LRP1B: variants seen among roughly 807,000 people sequenced by gnomAD.
LRP1B encodes LDL receptor related protein 1B.
LRP1B carries 217 observed loss-of-function variants against 556.6 expected under a neutral mutation model. That is an observed-to-expected ratio of 0.39 (90% CI 0.35 to 0.44). The LOEUF (loss-of-function observed/expected upper bound fraction) is 0.44, where lower values mean the gene tolerates loss of function less well. Among genes scored for constraint, LRP1B ranks in the 20% least tolerant of loss-of-function variants. LRP1B has a pLI of 1.00. For synonymous variants in LRP1B, 2,047 were observed against 1,865.8 expected, an observed-to-expected ratio of 1.10 and a Z score of -2.50; for missense variants, 5,053 against 5,620.8, an observed-to-expected ratio of 0.90 and a Z score of 3.23.
chr2:140,427,236 C>T (rs375151669), intron 66 of LRP1B, among the ~76,000 whole-genome samples: 16 of 152,144 alleles, frequency 1.1e-4, no homozygotes, highest in African/African-American at 3.9e-4. Flanking sequence ...AGGACGCCTG[C>T]CTTGATCATT....
intron 21 of LRP1B, among the ~76,000 whole-genome samples, chr2:140,922,281 TACACAC>T (rs10598952): frequency 1.3e-5 from 2 of 150,088 alleles, no homozygotes; most frequent in Admixed American, 6.7e-5. Flanking sequence ...CCTATTTGTA[TACACAC>T]ACACACACAC....
At chr2:141,089,207 G>T (rs890339185) in intron 7 of LRP1B, among the ~76,000 whole-genome samples, 3 of 152,110 alleles carry the variant, frequency 2.0e-5, no homozygotes, top group Admixed American at 6.5e-5. Context: ...GGCACAGCGG[G>T]CTCTTATTTC....
At chr2:140,624,077 T>C (rs1373521115) in intron 41 of LRP1B, among the ~76,000 whole-genome samples, 1 of 151,424 alleles carries the variant, frequency 6.6e-6, no homozygotes, top group Non-Finnish European at 1.5e-5. Context: ...ATAAATACAA[T>C]GTAATTCTCT....
rs536246400 is a variant in LRP1B, at chr2:140,647,739, A to T, written c.6800-46100T>A. 2.0e-3 allele frequency among the ~76,000 whole-genome samples: 304 copies of T among 152,322 alleles called. 5 individuals are homozygous for T. The highest frequency in any genetic ancestry group is 6.7e-3 in the African/African-American group (277 of 41,572). On this transcript the variant is annotated intron_variant, in intron 41 of 90. Coordinates refer to ENST00000389484, the MANE Select transcript of LRP1B (RefSeq NM_018557.3). Reference sequence around the variant, plus strand: ...AAATGCAAATCAAAACCACAATGAGATACCATCTCACACCAGTTAGAATGG... The same window carrying T: ...AAATGCAAATCAAAACCACAATGAGTTACCATCTCACACCAGTTAGAATGG...
intron 39 of LRP1B, 51 bp downstream of exon 39, chr2:140,702,090 G>T (rs777033942): frequency 1.3e-6 from 2 of 1,580,220 alleles, no homozygotes; most frequent in African/African-American, 2.7e-5. Flanking sequence ...TAAAGCAACT[G>T]GCACTGAAAT....
chr2:140,760,789 G>A (rs1688893857), intron 35 of LRP1B, among the ~76,000 whole-genome samples: 1 of 152,126 alleles, frequency 6.6e-6, no homozygotes, highest in African/African-American at 2.4e-5. Context: ...GGGAAGCAGA[G>A]GCAGGAGAAA....
intron 43 of LRP1B, among the ~76,000 whole-genome samples, chr2:140,546,000 T>TGTGTGTGTG (rs1680321567): frequency 7.0e-6 from 1 of 142,602 alleles, no homozygotes; most frequent in African/African-American, 2.6e-5. Flanking sequence ...TATTATTAGG[T>TGTGTGTGTG]TGTGTGTGTG....
chr2:140,658,587 T>C (rs1365413523), intron 41 of LRP1B, among the ~76,000 whole-genome samples: 2 of 152,060 alleles, frequency 1.3e-5, no homozygotes, highest in Non-Finnish European at 2.9e-5. Context: ...ATTTATCCAA[T>C]TTTTTTCTTT....
At chr2:140,507,172 A>G (rs144006917) in intron 52 of LRP1B, among the ~76,000 whole-genome samples, 1 of 152,188 alleles carries the variant, frequency 6.6e-6, no homozygotes, top group African/African-American at 2.4e-5. Context: ...GTGACCCTGA[A>G]TTCAAGCCAT....
At chr2:140,452,648 CAG>C (rs1573955725) in intron 62 of LRP1B, among the ~76,000 whole-genome samples, 2 of 152,024 alleles carry the variant, frequency 1.3e-5, no homozygotes, top group African/African-American at 4.8e-5. Flanking sequence ...GGATTTGTAA[CAG>C]AAAACTATAG....
At chr2:140,949,250 T>A (rs751985518) in intron 20 of LRP1B, among the ~76,000 whole-genome samples, 33 of 152,232 alleles carry the variant, frequency 2.2e-4, no homozygotes, top group Admixed American at 4.6e-4. Flanking sequence ...ATAAATAACA[T>A]CTTTCAGTCT....
At chr2:141,907,705 G>A (rs1699797503) in intron 1 of LRP1B, among the ~76,000 whole-genome samples, 3 of 151,916 alleles carry the variant, frequency 2.0e-5, no homozygotes, top group African/African-American at 7.2e-5. Flanking sequence ...GGATCAGATA[G>A]TCAATATTTT....
At chr2:140,643,456 T>G (rs1303172783) in intron 41 of LRP1B, among the ~76,000 whole-genome samples, 1 of 152,194 alleles carries the variant, frequency 6.6e-6, no homozygotes, top group East Asian at 1.9e-4. Flanking sequence ...TAAAAGTTGA[T>G]TTTATTCTTA....
intron 3 of LRP1B, among the ~76,000 whole-genome samples, chr2:141,332,814 C>CA (rs67444878): frequency 0.055 from 7,881 of 142,330 alleles, 669 homozygotes; most frequent in African/African-American, 0.18. Context: ...TTTAAAAATG[C>CA]AAAAAAAAAA....
intron 43 of LRP1B, among the ~76,000 whole-genome samples, chr2:140,565,883 C>T (rs562974720): frequency 7.9e-5 from 12 of 152,086 alleles, no homozygotes; most frequent in Non-Finnish European, 1.5e-4. Context: ...CCCAGTAGCT[C>T]CCATTAACAC....
intron 3 of LRP1B, among the ~76,000 whole-genome samples, chr2:141,293,774 T>C (rs1344067348): frequency 6.6e-6 from 1 of 152,100 alleles, no homozygotes; most frequent in African/African-American, 2.4e-5. Flanking sequence ...GACTAAGTAA[T>C]CATCAATCTA....
chr2:141,830,735 A>T (rs1697088091), intron 1 of LRP1B, among the ~76,000 whole-genome samples: 1 of 151,784 alleles, frequency 6.6e-6, no homozygotes, highest in Admixed American at 6.6e-5. Flanking sequence ...TAAATTTTAA[A>T]ATCAAGAATT....
intron 41 of LRP1B, among the ~76,000 whole-genome samples, chr2:140,644,581 A>AT (rs1261850265): frequency 6.6e-6 from 1 of 151,184 alleles, no homozygotes; most frequent in Non-Finnish European, 1.5e-5. Flanking sequence ...CATTTCTTTT[A>AT]TTTTTTATTT....
At chr2:140,956,868 C>A (rs1342743130) in intron 18 of LRP1B, among the ~76,000 whole-genome samples, 2 of 151,510 alleles carry the variant, frequency 1.3e-5, no homozygotes, top group African/African-American at 2.4e-5. Flanking sequence ...CTGTGATTTG[C>A]AAAATGGAAG....
Sources: allele counts gnomAD v4.1 joint callset (sites outside exome capture counted in the v4.1 genomes callset), GRCh38; gene constraint gnomAD v4.1.1; transcripts MANE v1.5; gene names NCBI Gene and HGNC (gene_info 2026-07-23, HGNC 2026-07-21).